Variants in QTGAL observed in about 807,000 individuals in gnomAD.
QTGAL encodes BGnT-like protein 1.
At chr17:82,982,486 T>A in the QTGAL span, among the ~76,000 whole-genome samples, 3 of 142,000 alleles carry the variant, frequency 2.1e-5, no homozygotes, top group South Asian at 2.2e-4. Flanking sequence ...GGAGATCCTC[T>A]TCCCTCCCGC....
At chr17:82,972,928 A>G in the QTGAL span, among the ~76,000 whole-genome samples, 1 of 152,044 alleles carries the variant, frequency 6.6e-6, no homozygotes, top group Non-Finnish European at 1.5e-5. Context: ...TGACCACACC[A>G]CACTCATAGG....
the QTGAL span, among the ~76,000 whole-genome samples, chr17:83,038,951 C>G: frequency 8.7e-5 from 10 of 114,484 alleles, no homozygotes; most frequent in Non-Finnish European, 1.8e-4. Flanking sequence ...AACAGATGTT[C>G]TACAATAATC....
At chr17:82,984,985 C>T in the QTGAL span, among the ~76,000 whole-genome samples, 2 of 152,168 alleles carry the variant, frequency 1.3e-5, no homozygotes, top group African/African-American at 4.8e-5. Flanking sequence ...CCCAAGGCAA[C>T]CTGGGAAGCC....
chr17:82,966,711 T>C, the QTGAL span, among the ~76,000 whole-genome samples: 2 of 152,106 alleles, frequency 1.3e-5, no homozygotes, highest in African/African-American at 4.8e-5. Context: ...CTCAGTGAGC[T>C]GAACACAAAA....
chr17:82,976,331 G>GTC, the QTGAL span, among the ~76,000 whole-genome samples: 1 of 57,778 alleles, frequency 1.7e-5, no homozygotes, highest in Non-Finnish European at 3.1e-5. Context: ...TATGGGGAAC[G>GTC]AGGGCCCCGG....
chr17:83,007,961 G>T, the QTGAL span, among the ~76,000 whole-genome samples: 2 of 152,074 alleles, frequency 1.3e-5, no homozygotes, highest in African/African-American at 4.8e-5. Context: ...CAGTAGGAAG[G>T]CGTGGATTCC....
At chr17:82,950,400 C>T in the QTGAL span, among the ~76,000 whole-genome samples, 1 of 152,160 alleles carries the variant, frequency 6.6e-6, no homozygotes, top group African/African-American at 2.4e-5. Flanking sequence ...GGGCATGCTG[C>T]TGGAAGAGCG....
chr17:82,999,836 C>T, the QTGAL span, among the ~76,000 whole-genome samples: 1 of 152,158 alleles, frequency 6.6e-6, no homozygotes, highest in Non-Finnish European at 1.5e-5. Context: ...GGAGCACCTC[C>T]AGCATTACCA....
the QTGAL span, among the ~76,000 whole-genome samples, chr17:82,958,553 C>T: frequency 3.9e-5 from 6 of 152,154 alleles, no homozygotes; most frequent in African/African-American, 1.4e-4. Flanking sequence ...TGACTCCCCC[C>T]CAACCCTGTG....
chr17:83,021,338 C>CA, the QTGAL span, among the ~76,000 whole-genome samples: 626 of 149,416 alleles, frequency 4.2e-3, 1 homozygote, highest in African/African-American at 0.014. Flanking sequence ...AAAGAATATG[C>CA]AAAAAAAAAA....
the QTGAL span, among the ~76,000 whole-genome samples, chr17:83,037,273 C>CG: frequency 1.3e-5 from 2 of 152,086 alleles, no homozygotes; most frequent in South Asian, 2.1e-4. The surrounding 1 kb of genome is among the most constrained non-coding windows in gnomAD (Gnocchi z 5.2). Context: ...TGCCCTGTTC[C>CG]GGGGGGGCAT....
the QTGAL span, among the ~76,000 whole-genome samples, chr17:82,963,159 T>C: frequency 6.6e-6 from 1 of 152,264 alleles, no homozygotes; most frequent in African/African-American, 2.4e-5. Flanking sequence ...CCTTGGGGGA[T>C]GGAGCACCCA....
At chr17:82,986,978 G>A in the QTGAL span, among the ~76,000 whole-genome samples, 1 of 152,280 alleles carries the variant, frequency 6.6e-6, no homozygotes, top group South Asian at 2.1e-4. Context: ...ACCCCCACGA[G>A]GCAGAGTGCC....
chr17:83,011,552 C>T, the QTGAL span: 1 of 152,214 alleles, frequency 6.6e-6, no homozygotes, highest in Non-Finnish European at 1.5e-5. Context: ...AATCCAGCCA[C>T]GCAATAACAG....
At chr17:83,041,226 T>A in the QTGAL span, among the ~76,000 whole-genome samples, 3 of 151,556 alleles carry the variant, frequency 2.0e-5, no homozygotes, top group Non-Finnish European at 4.4e-5. Context: ...ATGAAGAAAG[T>A]GAAAAGCATC....
chr17:82,992,324 C>CAT, the QTGAL span, among the ~76,000 whole-genome samples: 1,841 of 152,180 alleles, frequency 0.012, 41 homozygotes, highest in African/African-American at 0.042. Flanking sequence ...AAACAAATAA[C>CAT]ACAATGGAGC....
the QTGAL span, among the ~76,000 whole-genome samples, chr17:82,983,691 A>G: frequency 6.6e-6 from 1 of 152,350 alleles, no homozygotes; most frequent in East Asian, 1.9e-4. Flanking sequence ...CCGTGGGGGC[A>G]GCGGCTCCCG....
chr17:83,048,672 A>G, the QTGAL span: 1 of 1,612,562 alleles, frequency 6.2e-7, no homozygotes, highest in Non-Finnish European at 8.5e-7. Flanking sequence ...TACAAACCTT[A>G]CTGGCATCAT....
At chr17:82,957,809 G>A in the QTGAL span, among the ~76,000 whole-genome samples, 1 of 152,172 alleles carries the variant, frequency 6.6e-6, no homozygotes, top group Non-Finnish European at 1.5e-5. Context: ...CTTGACCCAA[G>A]TCCAGTTTCC....
Sources: gnomAD v4.1 joint callset for allele counts (sites outside exome capture counted in the v4.1 genomes callset) on GRCh38, gnomAD v4.1.1 for gene constraint, Gnocchi (gnomAD v3.1) non-coding constraint, MANE v1.5 for transcripts, NCBI Gene and HGNC (gene_info 2026-07-23, HGNC 2026-07-21) for gene names.